ARSG: variants seen among roughly 807,000 people sequenced by gnomAD.
ARSG encodes the protein arylsulfatase G.
A neutral mutation model predicts 50.5 loss-of-function variants in ARSG; 37 were observed. The observed-to-expected ratio is 0.73, with a 90% confidence interval of 0.56 to 0.96. The LOEUF is 0.96. Ranked by LOEUF, ARSG falls within the 50% of genes least tolerant of loss-of-function variation. The pLI, the probability that ARSG is intolerant of heterozygous loss-of-function variation, is 0.00. For missense variants in ARSG, 629 were observed against 675.3 expected, an observed-to-expected ratio of 0.93 and a Z score of 0.76; for synonymous variants, 225 against 254.6, an observed-to-expected ratio of 0.88 and a Z score of 1.11.
At chr17:68,430,270 C>A in the ARSG span, 1 of 1,130,698 alleles carries the variant, frequency 8.8e-7, no homozygotes, top group Non-Finnish European at 1.3e-6. Context: ...CAGGGAGAGA[C>A]TGTGCCTTAG....
intron 2 of ARSG, among the ~76,000 whole-genome samples, chr17:68,313,681 CTCTT>C (rs1190239231): frequency 8.1e-6 from 1 of 123,398 alleles, no homozygotes; most frequent in East Asian, 2.2e-4. Flanking sequence ...CTCTCTCTCT[CTCTT>C]TTTTTTTTTT....
At chr17:68,360,716 G>C (rs1288023511) in intron 6 of ARSG, among the ~76,000 whole-genome samples, 1 of 152,212 alleles carries the variant, frequency 6.6e-6, no homozygotes, top group African/African-American at 2.4e-5. Flanking sequence ...TTCCTTTTGA[G>C]GTCTGGGACC....
chr17:68,286,572 T>C (rs2075847233), upstream of ARSG, among the ~76,000 whole-genome samples: 1 of 152,176 alleles, frequency 6.6e-6, no homozygotes, highest in South Asian at 2.1e-4. Flanking sequence ...TGGCACGATC[T>C]TGGCTCACTG....
chr17:68,380,509 T>C (rs12451531), intron 8 of ARSG, among the ~76,000 whole-genome samples: 8,832 of 152,248 alleles, frequency 0.058, 408 homozygotes, highest in Admixed American at 0.14. Flanking sequence ...GCACAAGCCA[T>C]CCTCCTGTCT....
intron 6 of ARSG, 97 bp from the exon 7 acceptor site, chr17:68,368,451 C>T (rs551732429): frequency 4.7e-5 from 55 of 1,165,020 alleles, no homozygotes; most frequent in Admixed American, 1.0e-4. Context: ...GCAGAAGGAG[C>T]TTTGGGGATT....
At chr17:68,280,732 G>T (rs910779639) in intron 1 of ARSG, among the ~76,000 whole-genome samples, 1 of 152,200 alleles carries the variant, frequency 6.6e-6, no homozygotes, top group African/African-American at 2.4e-5. Flanking sequence ...TCTGAGGAAA[G>T]ATTTTTATGG....
rs2075137658 is a variant in ARSG at position 68,265,376 on chromosome 17, C to T, written c.-552+5950C>T. On this transcript the variant is annotated intron_variant, in intron 1 of 11. Coordinates refer to the ARSG transcript ENST00000448504. ...GGGTGTGGTGGTGCACGCCTGTAATCCCAGCTACTTGGGAGGCTGACGCAG... is the reference window on the plus strand; with the variant it reads ...GGGTGTGGTGGTGCACGCCTGTAATTCCAGCTACTTGGGAGGCTGACGCAG... Among the ~76,000 whole-genome samples, 8 of 152,018 alleles carry T rather than the reference C, an allele frequency of 5.3e-5. No individual in the cohort carries two copies. The South Asian group carries it at 1.5e-3, about 28-fold the overall frequency.
In ARSG at chr17:68,385,365, A is replaced by G. The variant is rs2080660796; in HGVS notation, c.1091+193A>G. Among the ~76,000 whole-genome samples, 9 of 151,694 alleles carry G rather than the reference A, an allele frequency of 5.9e-5. No homozygotes were observed. The South Asian group carries it at 1.9e-3, about 32-fold the overall frequency. On this transcript the variant is annotated intron_variant, in intron 9 of 11. Coordinates refer to ENST00000621439, the MANE Select transcript of ARSG (RefSeq NM_001267727.2). ...AAGACTCTGACTGTAGAAGTGATGA[A>G]AGTAATAGTGAAGTGGGGCCACGTG...
chr17:68,317,649 T>C (rs1248761836), intron 2 of ARSG, among the ~76,000 whole-genome samples: 2 of 152,124 alleles, frequency 1.3e-5, no homozygotes, highest in Non-Finnish European at 2.9e-5. Context: ...CCGTTGACCT[T>C]GTGGGATGTC....
At chr17:68,266,466 T>C (rs1183892771) in intron 1 of ARSG, among the ~76,000 whole-genome samples, 8 of 95,524 alleles carry the variant, frequency 8.4e-5, no homozygotes, top group African/African-American at 3.4e-4. Context: ...TATATATATG[T>C]ATATATATAC....
At chr17:68,428,882 C>T in the ARSG span, 1 of 1,614,158 alleles carries the variant, frequency 6.2e-7, no homozygotes. Context: ...CCAAATTGTA[C>T]ATATAAAGGT....
At chr17:68,359,088 G>A (rs565533798) in intron 6 of ARSG, among the ~76,000 whole-genome samples, 15 of 151,952 alleles carry the variant, frequency 9.9e-5, no homozygotes, top group Non-Finnish European at 1.8e-4. Context: ...GCGTGAACCC[G>A]GGAGGTGGAG....
chr17:68,276,892 T>C (rs1414207342), intron 1 of ARSG, among the ~76,000 whole-genome samples: 1 of 152,220 alleles, frequency 6.6e-6, no homozygotes, highest in East Asian at 1.9e-4. Flanking sequence ...AAGATTAGTA[T>C]GTTAAAAATG....
chr17:68,394,963 G>A, intron 9 of ARSG, 110 bp from the exon 10 acceptor site: 1 of 1,498,268 alleles, frequency 6.7e-7, no homozygotes, highest in South Asian at 1.2e-5. Flanking sequence ...CCAGCCCATA[G>A]GAGAGGCTGT....
At chr17:68,338,764 C>T (rs1459259446) in intron 2 of ARSG, among the ~76,000 whole-genome samples, 1 of 152,164 alleles carries the variant, frequency 6.6e-6, no homozygotes, top group Non-Finnish European at 1.5e-5. Context: ...TGTAAAGCGC[C>T]CTGTTCGTAG....
intron 8 of ARSG, among the ~76,000 whole-genome samples, chr17:68,372,493 G>T (rs1021887185): frequency 3.2e-4 from 48 of 152,184 alleles, no homozygotes; most frequent in African/African-American, 1.0e-3. Context: ...AAGCGTGTAT[G>T]TCCTACATGT....
chr17:68,377,664 C>T (rs2080217521), intron 8 of ARSG, among the ~76,000 whole-genome samples: 1 of 152,150 alleles, frequency 6.6e-6, no homozygotes, highest in Non-Finnish European at 1.5e-5. Context: ...CCTGGCGGAA[C>T]CCCACCCATA....
intron 1 of ARSG, chr17:68,270,798 G>C: frequency 6.6e-7 from 1 of 1,506,248 alleles, no homozygotes; most frequent in South Asian, 1.3e-5. Context: ...AATTCACAAG[G>C]GAAAGTAGAC....
At chr17:68,352,090 A>AGAGAGAGAGACAGAG (rs2078797926) in intron 5 of ARSG, among the ~76,000 whole-genome samples, 1 of 35,420 alleles carries the variant, frequency 2.8e-5, no homozygotes, top group African/African-American at 1.1e-4. Flanking sequence ...GAGACAGAGG[A>AGAGAGAGAGACAGAG]GAGAGAGAGA....
Sources: gnomAD v4.1 joint callset for allele counts (sites outside exome capture counted in the v4.1 genomes callset) on GRCh38, gnomAD v4.1.1 for gene constraint, MANE v1.5 for transcripts, NCBI Gene and HGNC (gene_info 2026-07-23, HGNC 2026-07-21) for gene names.